OSBPL10: variants seen among roughly 807,000 people sequenced by gnomAD.
The protein encoded by OSBPL10 is oxysterol-binding protein-related protein 10.
Under a neutral mutation model 81.7 loss-of-function variants are expected in OSBPL10, and 49 were observed. The observed-to-expected ratio is 0.60, with a 90% CI of 0.48 to 0.76. OSBPL10 has a LOEUF of 0.76. Among genes scored for constraint, OSBPL10 ranks in the 30% least tolerant of loss-of-function variants. OSBPL10 has a pLI of 0.00. For synonymous variants in OSBPL10, 419 were observed against 383.6 expected, an observed-to-expected ratio of 1.09 and a Z score of -1.08; for missense variants, 923 against 987.8, an observed-to-expected ratio of 0.93 and a Z score of 0.88.
At chr3:31,983,588 A>T (rs919183497), upstream of OSBPL10, among the ~76,000 whole-genome samples, 1 of 152,216 alleles carries the variant, frequency 6.6e-6, no homozygotes, top group East Asian at 1.9e-4. Context: ...AGATGTGCTG[A>T]AAGTAGAGGC....
chr3:31,794,862 C>A, intron 4 of OSBPL10: 1 of 378,306 alleles, frequency 2.6e-6, no homozygotes, highest in Non-Finnish European at 5.2e-6. Flanking sequence ...AACTGGATGA[C>A]ACTGAAAACC....
intron 6 of OSBPL10, chr3:31,711,081 T>C (rs1696237266): frequency 6.6e-6 from 1 of 152,268 alleles, no homozygotes; most frequent in Admixed American, 6.5e-5. Context: ...TTTCAGACTG[T>C]AAGTTTCAAC....
At chr3:31,674,426 G>A (rs9876271) in intron 8 of OSBPL10, among the ~76,000 whole-genome samples, 7,744 of 152,104 alleles carry the variant, frequency 0.051, 234 homozygotes, top group South Asian at 0.089. Flanking sequence ...TGTGCATGGT[G>A]GTGAGCACCT....
At chr3:31,831,360 C>A (rs1279323178) in intron 3 of OSBPL10, among the ~76,000 whole-genome samples, 2 of 150,914 alleles carry the variant, frequency 1.3e-5, no homozygotes, top group Admixed American at 6.6e-5. Flanking sequence ...GAGCCGAGAT[C>A]GTGCCATTGC....
At chr3:31,751,613 T>C (rs1467072153) in intron 4 of OSBPL10, among the ~76,000 whole-genome samples, 5 of 152,180 alleles carry the variant, frequency 3.3e-5, no homozygotes, top group Admixed American at 2.6e-4. Flanking sequence ...ATGCTAACAG[T>C]GCCCCTTGAG....
intron 1 of OSBPL10, among the ~76,000 whole-genome samples, chr3:31,949,668 A>C (rs1026529059): frequency 4.2e-5 from 1 of 23,704 alleles, no homozygotes; most frequent in Admixed American, 4.5e-4. Context: ...ACTCTGTCTC[A>C]AAAAAAAAAA....
intron 1 of OSBPL10, among the ~76,000 whole-genome samples, chr3:31,905,679 C>G (rs748346188): frequency 6.6e-6 from 1 of 151,762 alleles, no homozygotes; most frequent in South Asian, 2.1e-4. Context: ...TCACAATAGA[C>G]AAGATTAAGG....
intron 1 of OSBPL10, among the ~76,000 whole-genome samples, chr3:31,971,103 G>T (rs998667772): frequency 6.7e-6 from 1 of 149,626 alleles, no homozygotes; most frequent in South Asian, 2.1e-4. Flanking sequence ...TGCATCTAAT[G>T]AGTTGGTTTT....
intron 1 of OSBPL10, among the ~76,000 whole-genome samples, chr3:32,058,103 G>C (rs1176866739): frequency 1.1e-4 from 17 of 152,150 alleles, no homozygotes; most frequent in Non-Finnish European, 7.3e-5. Flanking sequence ...ACTGCATTTA[G>C]TTTTACCTCA....
intron 1 of OSBPL10, among the ~76,000 whole-genome samples, chr3:31,917,884 A>T (rs1696803168): frequency 6.6e-6 from 1 of 151,888 alleles, no homozygotes; most frequent in Non-Finnish European, 1.5e-5. Flanking sequence ...GTGTGATTAC[A>T]GTTTAAAACA....
chr3:32,074,393 C>A (rs1207198271), intron 1 of OSBPL10, among the ~76,000 whole-genome samples: 3 of 152,168 alleles, frequency 2.0e-5, no homozygotes, highest in Non-Finnish European at 4.4e-5. Context: ...TCCCTTTAGG[C>A]AACCTTCCAC....
chr3:31,891,020 C>A (rs890706412), intron 1 of OSBPL10, among the ~76,000 whole-genome samples: 1 of 152,110 alleles, frequency 6.6e-6, no homozygotes, highest in African/African-American at 2.4e-5. Flanking sequence ...GAGATGGGAG[C>A]TGTCCTGTGG....
chr3:31,935,562 C>T (rs1052781633), intron 1 of OSBPL10, among the ~76,000 whole-genome samples: 6 of 148,612 alleles, frequency 4.0e-5, no homozygotes, highest in African/African-American at 1.2e-4. Flanking sequence ...TCACTCTTTT[C>T]GCCCAGGCTG....
chr3:32,054,324 A>G (rs1218120707), intron 1 of OSBPL10, among the ~76,000 whole-genome samples: 1 of 152,212 alleles, frequency 6.6e-6, no homozygotes, highest in African/African-American at 2.4e-5. Context: ...TGGTATAAAA[A>G]TCACACAGGA....
At chr3:31,662,460 A>G (rs1700092092) in intron 11 of OSBPL10, 1 of 1,050,634 alleles carries the variant, frequency 9.5e-7, no homozygotes, top group Admixed American at 5.5e-5. Flanking sequence ...GGCCAGGGGA[A>G]AGAAAAGGCA....
At chr3:31,860,857 GTTTTTTTTTTT>G (rs1701040615) in intron 3 of OSBPL10, among the ~76,000 whole-genome samples, 1 of 108,236 alleles carries the variant, frequency 9.2e-6, no homozygotes, top group African/African-American at 3.4e-5. Context: ...GTTTTTTGGG[GTTTTTTTTTTT>G]GGGTTTTTTT....
At chr3:31,828,484 A>G (rs1174836835) in intron 4 of OSBPL10, among the ~76,000 whole-genome samples, 1 of 152,216 alleles carries the variant, frequency 6.6e-6, no homozygotes, top group Non-Finnish European at 1.5e-5. Context: ...CCTGTGCACA[A>G]TCATTCATCA....
At chr3:31,775,846 C>T (rs539129430) in intron 4 of OSBPL10, among the ~76,000 whole-genome samples, 7 of 152,020 alleles carry the variant, frequency 4.6e-5, no homozygotes, top group African/African-American at 1.7e-4. Flanking sequence ...TGTAAGAGGG[C>T]TATGGGAGAG....
At chr3:31,667,398 A>C (rs780308650) in intron 10 of OSBPL10, among the ~76,000 whole-genome samples, 17 of 152,358 alleles carry the variant, frequency 1.1e-4, no homozygotes, top group South Asian at 6.2e-4. Context: ...TACTAATTCT[A>C]CAGCAAAGCA....
Sources: gnomAD v4.1 joint callset for allele counts (sites outside exome capture counted in the v4.1 genomes callset) on GRCh38, gnomAD v4.1.1 for gene constraint, MANE v1.5 for transcripts, NCBI Gene and HGNC (gene_info 2026-07-23, HGNC 2026-07-21) for gene names.